The following CADM2 variants were observed in gnomAD, a reference collection of about 807,000 sequenced individuals.
CADM2 encodes immunoglobulin superfamily member 4D.
CADM2 carries 12 observed loss-of-function variants against 49.8 expected under a neutral mutation model. That is an observed-to-expected ratio of 0.24 (90% CI 0.15 to 0.39). CADM2 has a LOEUF of 0.39. Ranked by LOEUF, CADM2 falls within the 10% of genes least tolerant of loss-of-function variation. CADM2 has a pLI of 1.00. For missense variants in CADM2, 378 were observed against 492.3 expected (o/e 0.77, Z 2.20); for synonymous variants, 214 against 175.4 (o/e 1.22, Z -1.74).
chr3:85,317,487 T>G (rs2107083557), intron 1 of CADM2, among the ~76,000 whole-genome samples: 1 of 152,232 alleles, frequency 6.6e-6, no homozygotes, highest in Non-Finnish European at 1.5e-5. Flanking sequence ...GGATAATTTA[T>G]AAGGAAAAAA....
intron 1 of CADM2, among the ~76,000 whole-genome samples, chr3:85,183,407 T>G (rs189124154): frequency 1.3e-5 from 2 of 152,224 alleles, no homozygotes; most frequent in Admixed American, 6.5e-5. Flanking sequence ...GATAATAAAT[T>G]TAACACATTT....
chr3:85,779,248 T>TAA (rs937493924), intron 2 of CADM2, among the ~76,000 whole-genome samples: 1 of 152,106 alleles, frequency 6.6e-6, no homozygotes, highest in South Asian at 2.1e-4. Flanking sequence ...GTCAATAAAA[T>TAA]AAAGTTTATT....
intron 1 of CADM2, among the ~76,000 whole-genome samples, chr3:85,169,687 G>A (rs2040568010): frequency 6.6e-6 from 1 of 152,080 alleles, no homozygotes; most frequent in Non-Finnish European, 1.5e-5. Context: ...CAGGAGAATT[G>A]CTTGTACCCT....
chr3:85,161,759 T>C (rs59867516), intron 1 of CADM2, among the ~76,000 whole-genome samples: 10,474 of 152,202 alleles, frequency 0.069, 1,209 homozygotes, highest in African/African-American at 0.24. Context: ...GACTCATGCC[T>C]GTAATCACAG....
chr3:85,060,493 G>A (rs2036265197), intron 1 of CADM2, among the ~76,000 whole-genome samples: 1 of 152,090 alleles, frequency 6.6e-6, no homozygotes, highest in Middle Eastern at 3.2e-3. Flanking sequence ...CTATCTGTAA[G>A]AATTCAGGAC....
chr3:85,630,775 G>A (rs1559954396), intron 1 of CADM2, among the ~76,000 whole-genome samples: 1 of 151,972 alleles, frequency 6.6e-6, no homozygotes, highest in East Asian at 1.9e-4. Flanking sequence ...TTCACCTCTT[G>A]AAATCTCAAA....
intron 1 of CADM2, among the ~76,000 whole-genome samples, chr3:85,401,460 C>A (rs1002368002): frequency 1.3e-5 from 2 of 151,934 alleles, no homozygotes; most frequent in East Asian, 3.9e-4. Context: ...CCCATCCCAG[C>A]GGAAACTTGG....
At chr3:85,207,745 A>G (rs1488779656) in intron 1 of CADM2, among the ~76,000 whole-genome samples, 1 of 152,154 alleles carries the variant, frequency 6.6e-6, no homozygotes, top group African/African-American at 2.4e-5. Flanking sequence ...AAGAAAACCA[A>G]CTGGCATACT....
At chr3:85,256,151 A>T (rs1314950957) in intron 1 of CADM2, among the ~76,000 whole-genome samples, 1 of 152,018 alleles carries the variant, frequency 6.6e-6, no homozygotes, top group East Asian at 2.0e-4. Context: ...TCTCACTGTG[A>T]ATCTCTCCAC....
At chr3:85,129,624 G>A (rs144220435) in intron 1 of CADM2, among the ~76,000 whole-genome samples, 263 of 152,124 alleles carry the variant, frequency 1.7e-3, no homozygotes, top group Admixed American at 5.0e-3. Flanking sequence ...CATTCTTATC[G>A]CCTGAGGAGC....
chr3:85,277,292 A>G (rs1576264720), intron 1 of CADM2, among the ~76,000 whole-genome samples: 1 of 151,436 alleles, frequency 6.6e-6, no homozygotes, highest in South Asian at 2.1e-4. Flanking sequence ...AACAAGCTCA[A>G]GGCCATACAA....
intron 1 of CADM2, among the ~76,000 whole-genome samples, chr3:85,405,840 C>T (rs1001410320): frequency 3.3e-5 from 5 of 151,510 alleles, no homozygotes; most frequent in African/African-American, 7.3e-5. Flanking sequence ...ACATTCCTGA[C>T]TTCCAATAAT....
At chr3:85,923,764 T>C (rs1719466333) in intron 6 of CADM2, among the ~76,000 whole-genome samples, 1 of 152,180 alleles carries the variant, frequency 6.6e-6, no homozygotes, top group Admixed American at 6.5e-5. Context: ...ATGTTCTCTA[T>C]CTCCAGATGG....
At chr3:85,783,730 C>A (rs557876433) in intron 2 of CADM2, among the ~76,000 whole-genome samples, 1 of 152,138 alleles carries the variant, frequency 6.6e-6, no homozygotes, top group East Asian at 1.9e-4. Context: ...CAAACTGTAA[C>A]AAACAGCAGA....
intron 1 of CADM2, among the ~76,000 whole-genome samples, chr3:84,963,156 T>G (rs541369157): frequency 9.2e-5 from 14 of 152,348 alleles, no homozygotes; most frequent in Admixed American, 2.0e-4. Flanking sequence ...TCATTTGGTG[T>G]TCAGTTACAA....
intron 1 of CADM2, among the ~76,000 whole-genome samples, chr3:85,015,172 T>TAA (rs2034198487): frequency 6.6e-6 from 1 of 152,072 alleles, no homozygotes; most frequent in Non-Finnish European, 1.5e-5. Context: ...TATATATATA[T>TAA]AATAGATGTG....
intron 1 of CADM2, among the ~76,000 whole-genome samples, chr3:85,524,028 G>C (rs1280131441): frequency 1.3e-5 from 2 of 152,118 alleles, no homozygotes; most frequent in African/African-American, 4.8e-5. Context: ...ATGCTTCCAA[G>C]TTATAAGGAA....
intron 3 of CADM2, among the ~76,000 whole-genome samples, chr3:85,805,118 A>AT (rs1401192100): frequency 6.6e-6 from 1 of 151,492 alleles, no homozygotes; most frequent in Non-Finnish European, 1.5e-5. Context: ...TTTTTTTTGT[A>AT]TTTTTTGTGT....
At chr3:85,655,754 C>G (rs935868232) in intron 1 of CADM2, among the ~76,000 whole-genome samples, 2 of 152,138 alleles carry the variant, frequency 1.3e-5, no homozygotes, top group African/African-American at 4.8e-5. Context: ...TAAAAGGCAT[C>G]AGAATCACCA....
Sources: gnomAD v4.1 joint callset for allele counts (sites outside exome capture counted in the v4.1 genomes callset) on GRCh38, gnomAD v4.1.1 for gene constraint, MANE v1.5 for transcripts, NCBI Gene and HGNC (gene_info 2026-07-23, HGNC 2026-07-21) for gene names.